PCDHGA8: variants seen among roughly 807,000 people sequenced by gnomAD.
PCDHGA8 encodes protocadherin gamma-A8.
In PCDHGA8, 45 loss-of-function variants were observed where a neutral mutation model predicts 59.2. The observed-to-expected ratio is 0.76, with a 90% CI of 0.60 to 0.98. The LOEUF is 0.98. PCDHGA8 is among the 50% of genes least tolerant of loss of function. PCDHGA8 has a pLI of 0.00. For synonymous variants in PCDHGA8, 531 were observed against 519.0 expected (o/e 1.02, Z -0.32); for missense variants, 1,257 against 1,196.2 (o/e 1.05, Z -0.75).
intron 1 of PCDHGA8, chr5:141,423,860 G>A: frequency 7.8e-7 from 1 of 1,283,074 alleles, no homozygotes; most frequent in Non-Finnish European, 9.9e-7. Context: ...ACGTTTTTGT[G>A]AAAGTCATTT....
Position 141,409,613 on chromosome 5 carries a change from A to T in PCDHGA8, c.2424+14376A>T, listed in dbSNP as rs370495173. 6.6e-5 allele frequency: 107 copies of T among 1,613,738 alleles called. 1 individual carries two copies. The South Asian group carries it at 1.1e-3, about 17-fold the overall frequency. ...CGAGAACAACCCGCCAGGAGCCTCC[A>T]TTGCGCAAGTGAGCGCCTCTGACCC... On this transcript the variant is annotated intron_variant, in intron 1 of 3. Transcript: ENST00000398604.
At chr5:141,473,750 G>C (rs777343462) in intron 1 of PCDHGA8, among the ~76,000 whole-genome samples, 1 of 152,192 alleles carries the variant, frequency 6.6e-6, no homozygotes, top group Non-Finnish European at 1.5e-5. Context: ...TGAGAACTTG[G>C]ATACTATGCA....
At chr5:141,475,895 C>A (rs2099379056) in intron 1 of PCDHGA8, 1 of 568,558 alleles carries the variant, frequency 1.8e-6, no homozygotes, top group African/African-American at 1.9e-5. Context: ...ACTCTGTGTG[C>A]CGCTGTCGGC....
Position 141,511,178 on chromosome 5 carries a change from G to A in PCDHGA8, c.*5G>A. The A allele has an allele frequency of 6.2e-7, 1 of 1,614,090 alleles. No homozygotes were observed. Among genetic ancestry groups the A allele is most frequent in the South Asian group, 1.1e-5 (1 of 91,074 alleles). On this transcript the variant is annotated 3_prime_UTR_variant, in exon 4 of 4. Coordinates refer to ENST00000398604, the MANE Select transcript of PCDHGA8 (RefSeq NM_032088.2). ...GGCAAGAAGGAGAAGAAGTAACATG[G>A]AGGCCAGGCCAAGAGCCACAGGGCG...
chr5:141,392,897 G>T lies in PCDHGA8; in HGVS notation c.84G>T (p.Arg28Ser), dbSNP rs2150498343. 6 of 1,613,776 alleles carry T rather than the reference G, an allele frequency of 3.7e-6. No homozygotes were observed. Among genetic ancestry groups the T allele is most frequent in the Non-Finnish European group, 5.1e-6 (6 of 1,179,884 alleles). Reference sequence around the variant, plus strand: ...TGGGAACGCTGTGGGAAATCGGGAGGGGACAGATTCGCTACTCTGTGCCAG... The same window carrying T: ...TGGGAACGCTGTGGGAAATCGGGAGTGGACAGATTCGCTACTCTGTGCCAG... ...ALLGTLWEIGRGQIRYSVPEE... is the reference protein window; with the variant it reads ...ALLGTLWEIGSGQIRYSVPEE... Residue 28 changes from arginine to serine, a missense_variant, in exon 1 of 4, where the codon AGG becomes AGT. Arg to Ser is a moderately radical substitution (Grantham distance 110). Coordinates refer to ENST00000398604, the MANE Select transcript of PCDHGA8 (RefSeq NM_032088.2).
Position 141,431,336 on chromosome 5 carries a change from G to C in PCDHGA8, c.2424+36099G>C, listed in dbSNP as rs1187672228. ...TGGAGCCGACGGTAGTAAGTACCCC[G>C]AATTGGTGCTGAAACGCGCCCTGGA... On this transcript the variant is annotated intron_variant, in intron 1 of 3. Transcript: ENST00000398604. The surrounding 1 kb of genome is among the most constrained non-coding windows in gnomAD (Gnocchi z 4.8). 2.5e-6 allele frequency: 4 copies of C among 1,613,956 alleles called. No individual in the cohort carries two copies. The East Asian group carries it at 6.7e-5, about 27-fold the overall frequency.
At position 141,431,848 on chromosome 5, in the gene PCDHGA8, G is replaced by A. The variant is rs747401379; in HGVS notation, c.2424+36611G>A. 11 of 1,614,142 alleles carry A rather than the reference G, an allele frequency of 6.8e-6. No homozygotes were observed. The highest frequency in any genetic ancestry group is 2.2e-5 in the East Asian group (1 of 44,906). On this transcript the variant is annotated intron_variant, in intron 1 of 3. Coordinates refer to ENST00000398604, the MANE Select transcript of PCDHGA8 (RefSeq NM_032088.2). The surrounding 1 kb of genome is among the most constrained non-coding windows in gnomAD (Gnocchi z 4.8). ...CGGTTCCCGAAAACTCTCCCAGAGGGACATTAATTGCCCTTTTAAATGTAA... is the reference window on the plus strand; with the variant it reads ...CGGTTCCCGAAAACTCTCCCAGAGGAACATTAATTGCCCTTTTAAATGTAA...
intron 1 of PCDHGA8, chr5:141,419,005 C>G: frequency 6.2e-7 from 1 of 1,613,944 alleles, no homozygotes; most frequent in Non-Finnish European, 8.5e-7. Context: ...ATGGGGAAGT[C>G]AGGTGTAGCT....
rs905837179 is a variant in PCDHGA8 at position 141,478,541 on chromosome 5, G to A, written c.2425-16266G>A. ...GTTGGGTGCAGAGAGCGCCCCTCCCGGACAGGTAAGGTTTAGCAAGTCATG... is the reference window on the plus strand; with the variant it reads ...GTTGGGTGCAGAGAGCGCCCCTCCCAGACAGGTAAGGTTTAGCAAGTCATG... On this transcript the variant is annotated intron_variant, in intron 1 of 3. Coordinates refer to ENST00000398604, the MANE Select transcript of PCDHGA8 (RefSeq NM_032088.2). 4 of 1,605,470 alleles carry A rather than the reference G, an allele frequency of 2.5e-6. No homozygotes were observed. The Admixed American group carries it at 5.2e-5, about 21-fold the overall frequency.
At chr5:141,488,546 G>A (rs2099676755) in intron 1 of PCDHGA8, among the ~76,000 whole-genome samples, 1 of 152,188 alleles carries the variant, frequency 6.6e-6, no homozygotes, top group African/African-American at 2.4e-5. Context: ...TCCCATGTCA[G>A]CTGACATTGA....
In PCDHGA8 at chr5:141,393,503, G is replaced by T; in HGVS notation, c.690G>T (p.Val230=). 6.2e-7 allele frequency: 1 copy of T among 1,614,028 alleles called. No individual in the cohort carries two copies. The highest frequency in any genetic ancestry group is 8.5e-7 in the Non-Finnish European group (1 of 1,179,902). The part of the protein sequence containing the change: ...PPRSSTVRIH[V]TVLDTNDNAP... ...GCTCTAGCACAGTGCGCATCCACGTGACAGTGTTGGATACAAATGACAATG... is the reference window on the plus strand; with the variant it reads ...GCTCTAGCACAGTGCGCATCCACGTTACAGTGTTGGATACAAATGACAATG... The change falls in exon 1 of 4, where the codon GTG becomes GTT. Residue 230 remains valine (V), a synonymous_variant. Transcript: ENST00000398604.
intron 2 of PCDHGA8, among the ~76,000 whole-genome samples, chr5:141,499,445 C>A (rs904360147): frequency 1.3e-5 from 2 of 152,062 alleles, no homozygotes; most frequent in African/African-American, 4.8e-5. Flanking sequence ...AAAGGAAAAC[C>A]ACCCATCATT....
At chr5:141,410,178 C>G in intron 1 of PCDHGA8, 2 of 1,613,890 alleles carry the variant, frequency 1.2e-6, no homozygotes, top group South Asian at 1.1e-5. Flanking sequence ...GCCACCGCCA[C>G]GCTTCATCTG....
At chr5:141,408,769 C>T in intron 1 of PCDHGA8, 1 of 1,611,166 alleles carries the variant, frequency 6.2e-7, no homozygotes, top group Non-Finnish European at 8.5e-7. Context: ...CCGATGGTGG[C>T]AAATACCCAG....
In PCDHGA8 at chr5:141,493,026, C is replaced by T. The variant is rs73280358; in HGVS notation, c.2425-1781C>T. 6.6e-6 allele frequency among the ~76,000 whole-genome samples: 1 copy of T among 152,190 alleles called. No individual in the cohort carries two copies. The highest frequency in any genetic ancestry group is 1.5e-5 in the Non-Finnish European group (1 of 68,034). Reference sequence around the variant, plus strand: ...TAGGCTCTGCCAGATGCCAGGGTGCCCTTATGTGTGAGGAAACTACAATAG... The same window carrying T: ...TAGGCTCTGCCAGATGCCAGGGTGCTCTTATGTGTGAGGAAACTACAATAG... On this transcript the variant is annotated intron_variant, in intron 1 of 3. Coordinates refer to ENST00000398604, the MANE Select transcript of PCDHGA8 (RefSeq NM_032088.2). This position sits in a 1 kb window ranked among gnomAD's most constrained non-coding sequence, Gnocchi z 4.3.
chr5:141,427,705 C>T (rs2097059995), intron 1 of PCDHGA8: 1 of 983,052 alleles, frequency 1.0e-6, no homozygotes, highest in African/African-American at 1.6e-5. Flanking sequence ...CAAGTCAGCG[C>T]CTCTGACCTG....
At chr5:141,492,548 C>A (rs1028674110) in intron 1 of PCDHGA8, among the ~76,000 whole-genome samples, 1 of 152,218 alleles carries the variant, frequency 6.6e-6, no homozygotes, top group Non-Finnish European at 1.5e-5. Flanking sequence ...TGGGCCGGGT[C>A]GCCTGGGGGG....
chr5:141,436,406 G>T (rs1403133377), intron 1 of PCDHGA8, among the ~76,000 whole-genome samples: 3 of 152,308 alleles, frequency 2.0e-5, no homozygotes, highest in East Asian at 3.9e-4. Context: ...GTTGTTGAAT[G>T]AATGGATAAA....
chr5:141,510,905 C>T lies in PCDHGA8; in HGVS notation c.2573-42C>T. 4 of 1,613,538 alleles carry T rather than the reference C, an allele frequency of 2.5e-6. No homozygotes were observed. In the South Asian group the frequency reaches 4.4e-5, roughly 18 times the overall value. ...GATATAAGACAGTGACTGTTGAGGA[C>T]CCTAAGTTTAGCTCCCACCTGATCT... On this transcript the variant is annotated intron_variant, in intron 3 of 3. Coordinates refer to ENST00000398604, the MANE Select transcript of PCDHGA8 (RefSeq NM_032088.2).
Sources: gnomAD v4.1 joint callset for allele counts (sites outside exome capture counted in the v4.1 genomes callset) on GRCh38, gnomAD v4.1.1 for gene constraint, Gnocchi (gnomAD v3.1) non-coding constraint, MANE v1.5 for transcripts, NCBI Gene and HGNC (gene_info 2026-07-23, HGNC 2026-07-21) for gene names.